The following FARS2 variants were observed in gnomAD, a reference collection of about 807,000 sequenced individuals.
The protein encoded by FARS2 is phenylalanine--tRNA ligase, mitochondrial.
Under a neutral mutation model 46.4 loss-of-function variants are expected in FARS2, and 40 were observed. The ratio of observed to expected loss-of-function variants is 0.86; its 90% CI spans 0.67 to 1.12. The LOEUF (loss-of-function observed/expected upper bound fraction) is 1.12. FARS2 is among the 50% of genes most tolerant of loss of function. The pLI, the probability that FARS2 is intolerant of heterozygous loss-of-function variation, is 0.00. For synonymous variants in FARS2, 234 were observed against 214.9 expected (o/e 1.09, Z -0.78); for missense variants, 513 against 567.9 (o/e 0.90, Z 0.98).
Position 5,764,685 on chromosome 6 carries a change from C to T in FARS2, c.1218-6606C>T, listed in dbSNP as rs576449715. On this transcript the variant is annotated intron_variant, in intron 6 of 6. Coordinates refer to ENST00000274680, the MANE Select transcript of FARS2 (RefSeq NM_006567.5). The surrounding 1 kb of genome is among the most constrained non-coding windows in gnomAD (Gnocchi z 4.1). ...AGCGCACCATCCAAGAACATGAAGT[C>T]GCTGCTCTGTCACAGATGGAGAAGC... Among the ~76,000 whole-genome samples the T allele has an allele frequency of 2.0e-4, 30 of 152,264 alleles. 1 individual carries two copies. The South Asian group carries it at 5.2e-3, about 26-fold the overall frequency.
Position 5,559,140 on chromosome 6 carries a change from C to G in FARS2, c.1065+13800C>G, listed in dbSNP as rs116717509. Among the ~76,000 whole-genome samples, 611 of 151,644 alleles carry G rather than the reference C, an allele frequency of 4.0e-3. 9 individuals carry two copies. The highest frequency in any genetic ancestry group is 0.014 in the Middle Eastern group (4 of 292). Reference sequence around the variant, plus strand: ...AAAGTGGTTAGGCGCAGGGGCCTCACTCCTGTAATCCCAGCACTTTGGGAG... The same window carrying G: ...AAAGTGGTTAGGCGCAGGGGCCTCAGTCCTGTAATCCCAGCACTTTGGGAG... On this transcript the variant is annotated intron_variant, in intron 5 of 6. Coordinates refer to ENST00000274680, the MANE Select transcript of FARS2 (RefSeq NM_006567.5).
intron 2 of FARS2, among the ~76,000 whole-genome samples, chr6:5,370,919 G>A (rs1190883916): frequency 1.3e-5 from 2 of 152,144 alleles, no homozygotes; most frequent in African/African-American, 2.4e-5. Context: ...GTGCATCTGT[G>A]TTCATTGCTT....
rs189391005 is a variant in FARS2, at chr6:5,676,913, A to G, written c.1217+63593A>G. On this transcript the variant is annotated intron_variant, in intron 6 of 6. Transcript: ENST00000274680. ...AATGTTGTCTCAATATTTACCTAGT[A>G]CAAAGAAAATTCCATTTGAGAAAAC... 4.3e-3 allele frequency among the ~76,000 whole-genome samples: 660 copies of G among 152,336 alleles called. 2 individuals carry two copies. The highest frequency in any genetic ancestry group is 6.5e-3 in the Non-Finnish European group (440 of 68,024).
At chr6:5,770,529 C>G (rs192978997) in intron 6 of FARS2, among the ~76,000 whole-genome samples, 1 of 152,232 alleles carries the variant, frequency 6.6e-6, no homozygotes, top group Admixed American at 6.5e-5. Context: ...GACACCCAGC[C>G]ACACAGCCAG....
At chr6:5,270,700 T>C (rs775019094) in intron 1 of FARS2, among the ~76,000 whole-genome samples, 29 of 152,226 alleles carry the variant, frequency 1.9e-4, no homozygotes, top group Non-Finnish European at 3.2e-4. Context: ...TGCAGCACTT[T>C]TAGGATGAAG....
chr6:5,667,819 A>G (rs1376090912), intron 6 of FARS2, among the ~76,000 whole-genome samples: 2 of 152,252 alleles, frequency 1.3e-5, no homozygotes, highest in African/African-American at 2.4e-5. Flanking sequence ...CTGCATTTAC[A>G]GTGGGTAAAT....
chr6:5,323,059 A>G (rs1770096453), intron 1 of FARS2, among the ~76,000 whole-genome samples: 1 of 152,216 alleles, frequency 6.6e-6, no homozygotes, highest in African/African-American at 2.4e-5. Flanking sequence ...TTTAATAACA[A>G]TTAAATCTGT....
intron 1 of FARS2, among the ~76,000 whole-genome samples, chr6:5,299,887 A>C (rs1192979930): frequency 1.3e-5 from 2 of 152,108 alleles, no homozygotes; most frequent in African/African-American, 4.8e-5. Flanking sequence ...AGATTATAGG[A>C]CTTCTCAGTC....
At chr6:5,341,213 ATATATATATATATATATATATAT>A (rs1333009927) in intron 1 of FARS2, among the ~76,000 whole-genome samples, 395 of 15,912 alleles carry the variant, frequency 0.025, 33 homozygotes, top group Middle Eastern at 0.036. Context: ...ATATATATAT[ATATATATATATATATATATATAT>A]TTTTTTTTTT....
intron 6 of FARS2, among the ~76,000 whole-genome samples, chr6:5,758,976 C>T (rs916032619): frequency 6.8e-5 from 10 of 148,018 alleles, no homozygotes; most frequent in Non-Finnish European, 1.2e-4. Flanking sequence ...GGTTCTGTTT[C>T]ATTAGAAAAA....
Position 5,683,525 on chromosome 6 carries a change from C to A in FARS2, c.1217+70205C>A, listed in dbSNP as rs186211230. ...GGATTTCTAGGGATACAGGAGAGAC[C>A]ACCAGCCTAGGAGCTGGGAAACGTG... is the stretch of plus-strand genomic sequence containing the variant. On this transcript the variant is annotated intron_variant, in intron 6 of 6. Coordinates refer to ENST00000274680, the MANE Select transcript of FARS2 (RefSeq NM_006567.5). Among the ~76,000 whole-genome samples the A allele has an allele frequency of 4.8e-4, 73 of 152,206 alleles. 1 individual carries two copies. The highest frequency in any genetic ancestry group is 3.4e-3 in the Middle Eastern group (1 of 292).
At chr6:5,666,108 T>C (rs866250644) in intron 6 of FARS2, among the ~76,000 whole-genome samples, 13 of 152,224 alleles carry the variant, frequency 8.5e-5, no homozygotes, top group Admixed American at 4.6e-4. Context: ...CTATGGTATT[T>C]ATTGGTTCAT....
intron 1 of FARS2, among the ~76,000 whole-genome samples, chr6:5,286,616 T>C (rs2127880601): frequency 6.6e-6 from 1 of 152,322 alleles, no homozygotes; most frequent in East Asian, 1.9e-4. Context: ...TCTATCACTC[T>C]GTATGTAGAA....
chr6:5,644,531 C>G lies in FARS2; in HGVS notation c.1217+31211C>G, dbSNP rs561270720. Among the ~76,000 whole-genome samples, 10 of 152,226 alleles carry G rather than the reference C, an allele frequency of 6.6e-5. No homozygotes were observed. In the East Asian group the frequency reaches 1.9e-3, roughly 29 times the overall value. ...CCTGGCCTGTTGTTTCCTTTTAACC[C>G]TTGTTTTCAGACAGCTGCAAGAATG... On this transcript the variant is annotated intron_variant, in intron 6 of 6. Transcript: ENST00000274680.
At chr6:5,577,697 A>G (rs1019231810) in intron 5 of FARS2, among the ~76,000 whole-genome samples, 5 of 152,348 alleles carry the variant, frequency 3.3e-5, no homozygotes, top group East Asian at 3.9e-4. Flanking sequence ...TCTGATAAAC[A>G]TAGATCCGGA....
At chr6:5,500,138 TG>T (rs1455502072) in intron 4 of FARS2, among the ~76,000 whole-genome samples, 1 of 152,182 alleles carries the variant, frequency 6.6e-6, no homozygotes, top group Non-Finnish European at 1.5e-5. Flanking sequence ...AGAAGTCTAT[TG>T]GGTATCTGAT....
chr6:5,416,811 T>C (rs1387319407), intron 3 of FARS2, among the ~76,000 whole-genome samples: 1 of 152,230 alleles, frequency 6.6e-6, no homozygotes, highest in African/African-American at 2.4e-5. Context: ...GGATTTACAG[T>C]TATCACAGTC....
In FARS2 at chr6:5,668,495, C is replaced by T. The variant is rs762794157; in HGVS notation, c.1217+55175C>T. 9.9e-5 allele frequency among the ~76,000 whole-genome samples: 15 copies of T among 152,148 alleles called. 1 individual carries two copies. Among genetic ancestry groups the T allele is most frequent in the African/African-American group, 3.6e-4 (15 of 41,418 alleles). On this transcript the variant is annotated intron_variant, in intron 6 of 6. Transcript: ENST00000274680. ...ACCAGAGGGAAAGTGAATTCCTGAA[C>T]TTCATTCAATTAAATGAATTGAGGT...
At chr6:5,275,771 A>G (rs879093212) in intron 1 of FARS2, among the ~76,000 whole-genome samples, 1 of 152,220 alleles carries the variant, frequency 6.6e-6, no homozygotes, top group Non-Finnish European at 1.5e-5. Flanking sequence ...GCCTCAATAG[A>G]AAATATAATG....
Sources: allele counts gnomAD v4.1 joint callset (sites outside exome capture counted in the v4.1 genomes callset), GRCh38; gene constraint gnomAD v4.1.1; non-coding constraint Gnocchi (gnomAD v3.1); transcripts MANE v1.5; gene names NCBI Gene and HGNC (gene_info 2026-07-23, HGNC 2026-07-21).